Variants in PKIG observed in about 807,000 individuals in gnomAD.
PKIG encodes the protein protein kinase (cAMP-dependent, catalytic) inhibitor gamma.
Under a neutral mutation model 6.8 loss-of-function variants are expected in PKIG, and 1 was observed. That is an observed-to-expected ratio of 0.15 (90% CI 0.05 to 0.69). PKIG has a LOEUF of 0.69. Among genes scored for constraint, PKIG ranks in the 30% least tolerant of loss-of-function variants. The pLI, the probability that PKIG is intolerant of heterozygous loss-of-function variation, is 0.82. For synonymous variants in PKIG, 39 were observed against 43.0 expected (o/e 0.91, Z 0.36); for missense variants, 77 against 104.0 (o/e 0.74, Z 1.13).
chr20:44,550,179 T>G (rs1326990017), intron 1 of PKIG, among the ~76,000 whole-genome samples: 2 of 150,000 alleles, frequency 1.3e-5, no homozygotes, highest in Non-Finnish European at 3.0e-5. Context: ...CTCATTTAAT[T>G]CTCACACAAG....
chr20:44,593,603 G>GT, intron 2 of PKIG, among the ~76,000 whole-genome samples: 1 of 152,240 alleles, frequency 6.6e-6, no homozygotes, highest in South Asian at 2.1e-4. Context: ...GAGTAGAAGG[G>GT]TTGTTGGGGA....
chr20:44,603,258 G>A (rs1380466990), intron 2 of PKIG, among the ~76,000 whole-genome samples: 1 of 152,066 alleles, frequency 6.6e-6, no homozygotes, highest in African/African-American at 2.4e-5. Flanking sequence ...TCCAAAGGCA[G>A]GTTTTACTAA....
chr20:44,544,503 C>G (rs961082714), intron 1 of PKIG, among the ~76,000 whole-genome samples: 3 of 152,154 alleles, frequency 2.0e-5, no homozygotes, highest in Non-Finnish European at 4.4e-5. Context: ...TTCTCTCTTT[C>G]TGTTTCACCA....
chr20:44,575,057 T>A (rs780744718), intron 1 of PKIG, among the ~76,000 whole-genome samples: 1 of 152,070 alleles, frequency 6.6e-6, no homozygotes, highest in Non-Finnish European at 1.5e-5. Context: ...ACTCATCAGT[T>A]TTTTGTTTGT....
At chr20:44,555,690 G>C (rs2064706689) in intron 1 of PKIG, among the ~76,000 whole-genome samples, 2 of 152,072 alleles carry the variant, frequency 1.3e-5, no homozygotes, top group South Asian at 4.1e-4. Flanking sequence ...TATGTGTATA[G>C]ATTATTTTAT....
At chr20:44,604,543 T>C (rs923911498) in intron 2 of PKIG, among the ~76,000 whole-genome samples, 2 of 152,204 alleles carry the variant, frequency 1.3e-5, no homozygotes, top group African/African-American at 4.8e-5. Flanking sequence ...ACTAGGAGAA[T>C]GTAAAAGAGC....
At position 44,550,698 on chromosome 20, in the gene PKIG, T is replaced by C. The variant is rs149589462; in HGVS notation, c.-241+18720T>C. 2.0e-5 allele frequency among the ~76,000 whole-genome samples: 3 copies of C among 152,292 alleles called. No homozygotes were observed. The East Asian group carries it at 5.8e-4, about 29-fold the overall frequency. On this transcript the variant is annotated intron_variant, in intron 1 of 4. Coordinates refer to the PKIG transcript ENST00000372887. ...TGTTAAGTCATCTAATCCTTACAAC[T>C]GCTCCATGAAATAGGTACTATTATT...
intron 1 of PKIG, among the ~76,000 whole-genome samples, chr20:44,535,551 G>A (rs2064504948): frequency 6.6e-6 from 1 of 152,160 alleles, no homozygotes; most frequent in South Asian, 2.1e-4. Context: ...TGAGGCAGGA[G>A]ATTCTCTTCA....
rs187383792 is a variant in PKIG, at chr20:44,611,163, T to G, written c.-23-3371T>G. 3.2e-3 allele frequency among the ~76,000 whole-genome samples: 487 copies of G among 151,608 alleles called. 8 individuals carry two copies. The highest frequency in any genetic ancestry group is 0.011 in the African/African-American group (464 of 41,274). ...TCCGCCTCATGGGTTCAAGAGATTC[T>G]CCTGTCTCAGCCTCCAGAGTAACTG... On this transcript the variant is annotated intron_variant, in intron 2 of 3. Coordinates refer to ENST00000372886, the MANE Select transcript of PKIG (RefSeq NM_001281445.2).
chr20:44,560,364 A>T (rs1330463229), intron 1 of PKIG, among the ~76,000 whole-genome samples: 1 of 152,216 alleles, frequency 6.6e-6, no homozygotes, highest in African/African-American at 2.4e-5. Context: ...CTGGCTTTTA[A>T]CTTACAAGAT....
chr20:44,545,306 G>A (rs1467025897), intron 1 of PKIG, among the ~76,000 whole-genome samples: 2 of 151,800 alleles, frequency 1.3e-5, no homozygotes, highest in Non-Finnish European at 2.9e-5. Context: ...GAATCAACTG[G>A]GTTTGTTCCC....
At chr20:44,593,583 T>C (rs2065052059) in intron 2 of PKIG, among the ~76,000 whole-genome samples, 1 of 152,068 alleles carries the variant, frequency 6.6e-6, no homozygotes, top group Non-Finnish European at 1.5e-5. Flanking sequence ...AGAAGGGTGG[T>C]TTCCAGAGAG....
chr20:44,540,119 C>T (rs1204297933), intron 1 of PKIG, among the ~76,000 whole-genome samples: 2 of 151,984 alleles, frequency 1.3e-5, no homozygotes, highest in African/African-American at 4.8e-5. Flanking sequence ...TGCCACCACG[C>T]CTGGCTAATT....
chr20:44,591,777 T>C (rs2065035651), intron 2 of PKIG, among the ~76,000 whole-genome samples: 1 of 152,212 alleles, frequency 6.6e-6, no homozygotes. Flanking sequence ...TCTTAAAATA[T>C]CATGGATATT....
rs116932486 is a variant in PKIG, at chr20:44,577,119, T to C, written c.-240-5466T>C. 1.9e-3 allele frequency among the ~76,000 whole-genome samples: 292 copies of C among 151,526 alleles called. 1 individual carries two copies. The highest frequency in any genetic ancestry group is 3.7e-3 in the Non-Finnish European group (250 of 67,772). On this transcript the variant is annotated intron_variant, in intron 1 of 4. Coordinates refer to the PKIG transcript ENST00000372887. ...AACATTGTGTGTATGTGTGTGTGGT[T>C]TTTTTTTTGAGACAGATTATCATTC...
At chr20:44,606,374 T>C (rs531495106) in intron 2 of PKIG, among the ~76,000 whole-genome samples, 7 of 152,372 alleles carry the variant, frequency 4.6e-5, no homozygotes, top group African/African-American at 7.2e-5. Flanking sequence ...AGTGCTCATC[T>C]GATATACCTA....
intron 1 of PKIG, among the ~76,000 whole-genome samples, chr20:44,540,466 C>T (rs879709177): frequency 2.6e-5 from 4 of 152,130 alleles, no homozygotes; most frequent in Non-Finnish European, 4.4e-5. Flanking sequence ...TACGTTATCC[C>T]AATGACCAAA....
intron 1 of PKIG, among the ~76,000 whole-genome samples, chr20:44,572,553 G>A (rs1436742376): frequency 6.6e-6 from 1 of 152,138 alleles, no homozygotes. Flanking sequence ...ATGTGTTAGT[G>A]AGGGGGACTG....
At chr20:44,563,177 A>AT (rs1437095178) in intron 1 of PKIG, among the ~76,000 whole-genome samples, 1 of 152,210 alleles carries the variant, frequency 6.6e-6, no homozygotes, top group African/African-American at 2.4e-5. Flanking sequence ...CTTCCTGAGA[A>AT]TAGAAAGAGA....
Sources: allele counts gnomAD v4.1 joint callset (sites outside exome capture counted in the v4.1 genomes callset), GRCh38; gene constraint gnomAD v4.1.1; transcripts MANE v1.5; gene names NCBI Gene and HGNC (gene_info 2026-07-23, HGNC 2026-07-21).